Variants in RNLS observed in about 807,000 individuals in gnomAD.
The protein encoded by RNLS is renalase.
A neutral mutation model predicts 39.8 loss-of-function variants in RNLS; 39 were observed. The observed-to-expected ratio is 0.98, with a 90% CI of 0.76 to 1.28. The LOEUF is 1.28. Among genes scored for constraint, RNLS ranks in the 50% most tolerant of loss-of-function variants. The pLI, the probability that RNLS is intolerant of heterozygous loss-of-function variation, is 0.00. For synonymous variants in RNLS, 147 were observed against 150.7 expected, an observed-to-expected ratio of 0.98 and a Z score of 0.18; for missense variants, 410 against 413.3, an observed-to-expected ratio of 0.99 and a Z score of 0.07.
chr10:88,309,362 G>A (rs1845183406), intron 6 of RNLS: 1 of 1,237,410 alleles, frequency 8.1e-7, no homozygotes, highest in South Asian at 1.3e-5. Flanking sequence ...ACTTTTCAAT[G>A]CTGAAATTAG....
At chr10:88,222,176 T>A in the RNLS span, among the ~76,000 whole-genome samples, 1 of 152,182 alleles carries the variant, frequency 6.6e-6, no homozygotes, top group Non-Finnish European at 1.5e-5. Flanking sequence ...GGTGGGTAGA[T>A]TCAAGTGGAT....
the RNLS span, among the ~76,000 whole-genome samples, chr10:88,237,291 TCCTC>T: frequency 1.4e-5 from 2 of 140,382 alleles, no homozygotes; most frequent in Non-Finnish European, 3.1e-5. Context: ...TCCTTTTCCT[TCCTC>T]CCTCCCTCCC....
At chr10:88,425,343 A>G (rs530595148) in intron 4 of RNLS, among the ~76,000 whole-genome samples, 2 of 152,304 alleles carry the variant, frequency 1.3e-5, no homozygotes, top group South Asian at 4.1e-4. Flanking sequence ...GCCCCAAAGC[A>G]TAAATAAAAC....
the RNLS span, among the ~76,000 whole-genome samples, chr10:88,218,046 G>C: frequency 2.0e-5 from 3 of 151,626 alleles, no homozygotes; most frequent in African/African-American, 7.3e-5. Context: ...GTCTCAAAAA[G>C]AAAAACAAGG....
chr10:88,236,948 C>T, the RNLS span, among the ~76,000 whole-genome samples: 3 of 152,162 alleles, frequency 2.0e-5, no homozygotes, highest in Non-Finnish European at 4.4e-5. Context: ...TTCTAAAATT[C>T]AGGTAGACTA....
intron 4 of RNLS, among the ~76,000 whole-genome samples, chr10:88,490,999 ACGC>A (rs1050787840): frequency 6.6e-6 from 1 of 152,192 alleles, no homozygotes; most frequent in Non-Finnish European, 1.5e-5. Context: ...GATAAGAGCC[ACGC>A]CATGTTAATT....
At chr10:88,253,958 A>G in the RNLS span, among the ~76,000 whole-genome samples, 1 of 152,392 alleles carries the variant, frequency 6.6e-6, no homozygotes, top group Middle Eastern at 3.4e-3. Flanking sequence ...ATCAAAGGGC[A>G]TTAAAAATTC....
the RNLS span, among the ~76,000 whole-genome samples, chr10:88,255,721 T>G: frequency 6.6e-6 from 1 of 152,190 alleles, no homozygotes; most frequent in Non-Finnish European, 1.5e-5. Flanking sequence ...GGCACCATGA[T>G]TTTGGGAATT....
chr10:88,524,960 CATATATATAT>C (rs772272529), intron 4 of RNLS, among the ~76,000 whole-genome samples: 970 of 88,964 alleles, frequency 0.011, 66 homozygotes, highest in African/African-American at 0.037. Context: ...CACACACATA[CATATATATAT>C]ATATATATAT....
chr10:88,362,876 C>A (rs1489527433), intron 4 of RNLS, 151 bp from the exon 5 acceptor site: 3 of 666,334 alleles, frequency 4.5e-6, no homozygotes, highest in East Asian at 2.8e-5. Flanking sequence ...TAAAATAGCA[C>A]CAGCTCTAAT....
At chr10:88,403,085 G>A (rs530855908) in intron 4 of RNLS, among the ~76,000 whole-genome samples, 2 of 152,024 alleles carry the variant, frequency 1.3e-5, no homozygotes, top group East Asian at 3.9e-4. Context: ...TCATGGGGAC[G>A]TTTTCAGCCA....
At position 88,362,539 on chromosome 10, in the gene RNLS, T is replaced by G; in HGVS notation, c.700+13A>C. On this transcript the variant is annotated intron_variant, in intron 5 of 6. Transcript: ENST00000331772. ...TTGTTGCTGTATTTAAGGGAAATAA[T>G]AGGGGTACTGACCTATATTGCGCTT... is the stretch of plus-strand genomic sequence containing the variant. The G allele has an allele frequency of 6.2e-7, 1 of 1,610,500 alleles. No homozygotes were observed. Among genetic ancestry groups the G allele is most frequent in the Non-Finnish European group, 8.5e-7 (1 of 1,177,684 alleles).
At chr10:88,294,516 T>C (rs896355675) in intron 6 of RNLS, among the ~76,000 whole-genome samples, 1 of 152,190 alleles carries the variant, frequency 6.6e-6, no homozygotes, top group African/African-American at 2.4e-5. Context: ...TTCCTGCTTC[T>C]ACTAGGGGTG....
At chr10:88,540,633 C>T (rs1057445703) in intron 4 of RNLS, among the ~76,000 whole-genome samples, 22 of 152,084 alleles carry the variant, frequency 1.4e-4, no homozygotes. Flanking sequence ...TCCAGAGTGG[C>T]TTCAAGTTCC....
At chr10:88,500,258 T>C (rs570517219) in intron 4 of RNLS, among the ~76,000 whole-genome samples, 2 of 152,230 alleles carry the variant, frequency 1.3e-5, no homozygotes. Flanking sequence ...CACTGACAAA[T>C]CATCTCCTAC....
intron 4 of RNLS, among the ~76,000 whole-genome samples, chr10:88,479,860 T>C (rs1196182900): frequency 3.3e-5 from 5 of 151,734 alleles, no homozygotes; most frequent in Admixed American, 3.3e-4. Context: ...ATGCAACATA[T>C]GAATACAAAT....
At chr10:88,352,499 C>T (rs555254267) in intron 5 of RNLS, among the ~76,000 whole-genome samples, 4 of 152,260 alleles carry the variant, frequency 2.6e-5, no homozygotes, top group South Asian at 4.1e-4. Context: ...TGCTGGATTA[C>T]GTTTATTGAT....
chr10:88,349,701 A>G lies in RNLS; in HGVS notation c.700+12851T>C, dbSNP rs570109160. Among the ~76,000 whole-genome samples the G allele has an allele frequency of 4.9e-4, 74 of 152,098 alleles. 2 individuals carry two copies. The East Asian group carries it at 0.014, about 29-fold the overall frequency. Reference sequence around the variant, plus strand: ...TAAATAACAAAAAATATTTATTTTTACGTATGTATATATGTGTATATACAC... The same window carrying G: ...TAAATAACAAAAAATATTTATTTTTGCGTATGTATATATGTGTATATACAC... On this transcript the variant is annotated intron_variant, in intron 5 of 6. Coordinates refer to ENST00000331772, the MANE Select transcript of RNLS (RefSeq NM_001031709.3).
chr10:88,276,674 T>C (rs1218837943), intron 6 of RNLS, among the ~76,000 whole-genome samples: 1 of 152,216 alleles, frequency 6.6e-6, no homozygotes, highest in Non-Finnish European at 1.5e-5. Context: ...TTATCGTATG[T>C]CATAATAGCA....
Sources: gnomAD v4.1 joint callset for allele counts (sites outside exome capture counted in the v4.1 genomes callset) on GRCh38, gnomAD v4.1.1 for gene constraint, MANE v1.5 for transcripts, NCBI Gene and HGNC (gene_info 2026-07-23, HGNC 2026-07-21) for gene names.